Variants in KALRN observed in about 807,000 individuals in gnomAD.
KALRN encodes kalirin.
A neutral mutation model predicts 353.7 loss-of-function variants in KALRN; 70 were observed. The ratio of observed to expected loss-of-function variants is 0.20; its 90% CI spans 0.16 to 0.24. KALRN has a LOEUF of 0.24. Among genes scored for constraint, KALRN ranks in the 10% least tolerant of loss-of-function variants. The pLI is 1.00. For synonymous variants in KALRN, 1,391 were observed against 1,434.8 expected (o/e 0.97, Z 0.69); for missense variants, 2,791 against 3,756.7 (o/e 0.74, Z 6.72).
intron 28 of KALRN, among the ~76,000 whole-genome samples, chr3:124,487,894 T>C (rs1315572668): frequency 6.6e-6 from 1 of 152,172 alleles, no homozygotes; most frequent in African/African-American, 2.4e-5. Flanking sequence ...TTTGCCAGGG[T>C]AGTCCCTTCT....
chr3:124,559,871 T>C (rs2071737525), intron 33 of KALRN, among the ~76,000 whole-genome samples: 1 of 152,190 alleles, frequency 6.6e-6, no homozygotes, highest in African/African-American at 2.4e-5. Context: ...TGAACCAGGA[T>C]ATTCATCATC....
chr3:124,657,787 A>C lies in KALRN; in HGVS notation c.6020A>C (p.Gln2007Pro). ...ATCCAGGAGCAAGACAGATTGGCACAGCTCTTTATTAAGCACGTGAGTGTC... is the reference window on the plus strand; with the variant it reads ...ATCCAGGAGCAAGACAGATTGGCACCGCTCTTTATTAAGCACGTGAGTGTC... ...KCIQEQDRLA[Q>P]LFIKHERKLH... The change falls in exon 41 of 60, where the codon CAG (glutamine) becomes CCG (proline). Residue 2007 changes from glutamine to proline, a missense_variant. Transcript: ENST00000682506. 6.2e-7 allele frequency: 1 copy of C among 1,612,916 alleles called. No homozygotes were observed. The highest frequency in any genetic ancestry group is 8.5e-7 in the Non-Finnish European group (1 of 1,178,866).
At chr3:124,128,407 G>T (rs545179850) in intron 1 of KALRN, among the ~76,000 whole-genome samples, 1 of 152,166 alleles carries the variant, frequency 6.6e-6, no homozygotes, top group Admixed American at 6.5e-5. Flanking sequence ...TGGATTTTCC[G>T]TAGAGACTAT....
chr3:124,323,291 TGAATCCCCACAGGGA>T (rs1322414497), intron 6 of KALRN, among the ~76,000 whole-genome samples: 1 of 152,204 alleles, frequency 6.6e-6, no homozygotes, highest in Non-Finnish European at 1.5e-5. Flanking sequence ...CCCTTCCCTC[TGAATCCCCACAGGGA>T]GTCGCTTCTA....
chr3:124,416,648 G>A (rs1011204167), intron 14 of KALRN, among the ~76,000 whole-genome samples: 1 of 152,246 alleles, frequency 6.6e-6, no homozygotes, highest in African/African-American at 2.4e-5. Context: ...CTGGGCTTAG[G>A]GAAATGGAGG....
Position 124,602,946 on chromosome 3 carries a change from T to TGTTGTTGTTGTTGTTG in KALRN, c.5183-29474_5183-29473insGTTGTTGTTGTTGTTG, listed in dbSNP as rs1306270170. The stretch of plus-strand genomic sequence containing the variant: ...GTTAATTCCAGTTTTCGTGGTTTTT[T>TGTTGTTGTTGTTGTTG]TTTTGTTGTTGTTTTGTTTTGTTTT... On this transcript the variant is annotated intron_variant, in intron 34 of 59. Transcript: ENST00000682506. Among the ~76,000 whole-genome samples the TGTTGTTGTTGTTGTTG allele has an allele frequency of 2.6e-5, 4 of 151,522 alleles. No homozygotes were observed. In the East Asian group the frequency reaches 7.8e-4, roughly 30 times the overall value.
In KALRN at chr3:124,562,316, G is replaced by T. The variant is rs138472071; in HGVS notation, c.4936-527G>T. 4.3e-3 allele frequency among the ~76,000 whole-genome samples: 661 copies of T among 152,302 alleles called. 2 individuals carry two copies. The highest frequency in any genetic ancestry group is 4.3e-3 in the African/African-American group (180 of 41,572). ...GTTGCAGGGGTTAGAAGGAAGGAAG[G>T]CTGTCTCTTCCATTATTCCCTATCA... On this transcript the variant is annotated intron_variant, in intron 33 of 59. Coordinates refer to ENST00000682506, the MANE Select transcript of KALRN (RefSeq NM_001388419.1).
chr3:124,357,029 C>T (rs991084650), intron 10 of KALRN, among the ~76,000 whole-genome samples: 8 of 152,212 alleles, frequency 5.3e-5, no homozygotes, highest in Non-Finnish European at 8.8e-5. Flanking sequence ...TCACCTCCCA[C>T]CCCTTCCGGT....
chr3:124,360,874 T>C (rs572753794), intron 10 of KALRN, among the ~76,000 whole-genome samples: 5 of 152,200 alleles, frequency 3.3e-5, no homozygotes, highest in African/African-American at 7.2e-5. Flanking sequence ...TGTGATGAAT[T>C]TGCATATAGG....
chr3:124,468,544 TC>T (rs2060573582), intron 25 of KALRN, among the ~76,000 whole-genome samples: 1 of 152,214 alleles, frequency 6.6e-6, no homozygotes, highest in African/African-American at 2.4e-5. Context: ...CTAAGCTTCT[TC>T]CCCCACTCCA....
intron 28 of KALRN, among the ~76,000 whole-genome samples, chr3:124,485,879 CA>C (rs750111230): frequency 6.6e-6 from 1 of 151,272 alleles, no homozygotes; most frequent in South Asian, 2.1e-4. Context: ...GACTCTGTCT[CA>C]AAAAAAAGAA....
chr3:124,692,979 G>T (rs1357411559), intron 51 of KALRN, among the ~76,000 whole-genome samples: 2 of 152,160 alleles, frequency 1.3e-5, no homozygotes, highest in African/African-American at 4.8e-5. Flanking sequence ...TGGCTAGTTG[G>T]CTAAAATGTT....
At chr3:124,697,164 C>T (rs1433847225) in intron 54 of KALRN, among the ~76,000 whole-genome samples, 1 of 152,212 alleles carries the variant, frequency 6.6e-6, no homozygotes, top group African/African-American at 2.4e-5. Context: ...TCCCAAAGTG[C>T]TAGGATTATA....
rs151099025 is a variant in KALRN, at chr3:124,666,356, C to T, written c.6346-93C>T. 725 of 1,143,784 alleles carry T rather than the reference C, an allele frequency of 6.3e-4. 3 individuals are homozygous for T. The African/African-American group carries it at 9.6e-3, about 15-fold the overall frequency. 70.9% of individuals were successfully genotyped at this position (1,143,784 alleles called of 1,614,324 possible). A position where few individuals can be genotyped will look rare whatever the true frequency, so the allele number is the denominator to read the frequency against. On this transcript the variant is annotated intron_variant, in intron 45 of 59. Coordinates refer to ENST00000682506, the MANE Select transcript of KALRN (RefSeq NM_001388419.1). ...GGCTTTTGTTGTCAAATCTGTTGCC[C>T]GTATCCCCAGATGGGGAGGTTCTGT... is the stretch of plus-strand genomic sequence containing the variant.
chr3:124,065,377 T>C (rs1303262810), intron 1 of KALRN, among the ~76,000 whole-genome samples: 3 of 152,128 alleles, frequency 2.0e-5, no homozygotes, highest in African/African-American at 7.2e-5. Flanking sequence ...GGATGGTTAT[T>C]AGATGATATT....
chr3:124,062,662 T>C (rs757225553), intron 1 of KALRN, among the ~76,000 whole-genome samples: 1 of 152,230 alleles, frequency 6.6e-6, no homozygotes, highest in Non-Finnish European at 1.5e-5. Flanking sequence ...TCACTTTCTC[T>C]TGTTTTTTAA....
At chr3:124,104,552 A>G (rs1274897039) in intron 1 of KALRN, among the ~76,000 whole-genome samples, 1 of 152,160 alleles carries the variant, frequency 6.6e-6, no homozygotes, top group Non-Finnish European at 1.5e-5. Context: ...CTACCTTGTG[A>G]AGATTCTTGC....
chr3:124,304,127 A>AACACACACACAC (rs3055892), intron 6 of KALRN, among the ~76,000 whole-genome samples: 2,898 of 147,450 alleles, frequency 0.02, 59 homozygotes, highest in East Asian at 0.081. Context: ...TTTTGTTGTA[A>AACACACACACAC]ACACACACAC....
chr3:124,675,865 C>T (rs1405364806), intron 49 of KALRN, among the ~76,000 whole-genome samples: 2 of 152,150 alleles, frequency 1.3e-5, no homozygotes, highest in African/African-American at 2.4e-5. Context: ...TGAGCAGTGG[C>T]ACCAGCATAA....
Sources: gnomAD v4.1 joint callset for allele counts (sites outside exome capture counted in the v4.1 genomes callset) on GRCh38, gnomAD v4.1.1 for gene constraint, MANE v1.5 for transcripts, NCBI Gene and HGNC (gene_info 2026-07-23, HGNC 2026-07-21) for gene names.